Variants in CDH12 observed in about 807,000 individuals in gnomAD.
The protein encoded by CDH12 is cadherin-12.
CDH12 carries 41 observed loss-of-function variants against 74.1 expected under a neutral mutation model. That is an observed-to-expected ratio of 0.55 (90% confidence interval 0.43 to 0.72). The LOEUF (loss-of-function observed/expected upper bound fraction) is 0.72, where lower values mean the gene tolerates loss of function less well. Ranked by LOEUF, CDH12 falls within the 30% of genes least tolerant of loss-of-function variation. The pLI is 0.00. For synonymous variants in CDH12, 399 were observed against 355.0 expected (o/e 1.12, Z -1.39); for missense variants, 945 against 977.2 (o/e 0.97, Z 0.44).
At chr5:22,093,527 CATATT>C (rs1475796693) in intron 4 of CDH12, among the ~76,000 whole-genome samples, 1 of 152,078 alleles carries the variant, frequency 6.6e-6, no homozygotes, top group Non-Finnish European at 1.5e-5. Context: ...TAAAAGATTA[CATATT>C]ATATGATTGT....
At chr5:22,441,313 AC>A (rs1423291793) in intron 2 of CDH12, among the ~76,000 whole-genome samples, 1 of 152,062 alleles carries the variant, frequency 6.6e-6, no homozygotes. Flanking sequence ...TGGTTTTAAA[AC>A]CAATAGATGG....
chr5:21,878,805 AAAG>A (rs1244160692), intron 6 of CDH12, among the ~76,000 whole-genome samples: 2 of 23,570 alleles, frequency 8.5e-5, no homozygotes, highest in East Asian at 7.1e-3. Flanking sequence ...AAGAAAGAAG[AAAG>A]AAAGAAAGAA....
intron 3 of CDH12, among the ~76,000 whole-genome samples, chr5:22,289,049 T>C (rs1561285974): frequency 6.6e-6 from 1 of 152,000 alleles, no homozygotes; most frequent in South Asian, 2.1e-4. Context: ...ATAAATAAGC[T>C]AAGAGACTTG....
chr5:22,392,850 CTT>C (rs1335427253), intron 3 of CDH12, among the ~76,000 whole-genome samples: 1 of 152,074 alleles, frequency 6.6e-6, no homozygotes, highest in African/African-American at 2.4e-5. Flanking sequence ...TTGGGAAAAC[CTT>C]TCTCACACTG....
At chr5:22,330,744 C>CAAA (rs1212274101) in intron 3 of CDH12, among the ~76,000 whole-genome samples, 10 of 52,300 alleles carry the variant, frequency 1.9e-4, no homozygotes, top group African/African-American at 2.8e-4. Flanking sequence ...AGCGAGACTC[C>CAAA]AAAAAAAAAA....
intron 1 of CDH12, among the ~76,000 whole-genome samples, chr5:22,542,472 A>G (rs1014554132): frequency 6.6e-6 from 1 of 152,194 alleles, no homozygotes; most frequent in Non-Finnish European, 1.5e-5. Flanking sequence ...ACTGATTTAT[A>G]ATCACTAGGA....
chr5:22,647,446 C>A (rs193299397), intron 1 of CDH12, among the ~76,000 whole-genome samples: 1 of 151,700 alleles, frequency 6.6e-6, no homozygotes, highest in Admixed American at 6.6e-5. Flanking sequence ...AAATTTATTT[C>A]TCATGTTTCT....
At chr5:21,961,673 C>G (rs1027385650) in intron 6 of CDH12, among the ~76,000 whole-genome samples, 3 of 152,040 alleles carry the variant, frequency 2.0e-5, no homozygotes, top group African/African-American at 7.2e-5. Context: ...CACCAGAAAG[C>G]ACAACATATG....
intron 4 of CDH12, among the ~76,000 whole-genome samples, chr5:22,080,335 A>G (rs1294151845): frequency 6.6e-6 from 1 of 152,190 alleles, no homozygotes; most frequent in Non-Finnish European, 1.5e-5. Context: ...ATAGTAATTC[A>G]CCATACTTGA....
rs201503504 is a variant in CDH12 at position 21,854,749 on chromosome 5, G to A, written c.568C>T (p.Pro190Ser). 1 of 1,608,504 alleles carries A rather than the reference G, an allele frequency of 6.2e-7. No homozygotes were observed. Among genetic ancestry groups the A allele is most frequent in the Non-Finnish European group, 8.5e-7 (1 of 1,176,304 alleles). Residue 190 changes from proline to serine, a missense_variant, in exon 7 of 15, where the codon CCG becomes TCG. Transcript: ENST00000382254. ...LQVKATDADDPTYGNSARVVY... is the reference protein window; with the variant it reads ...LQVKATDADDSTYGNSARVVY... ...ACTCTGGCACTGTTTCCATAGGTCG[G>A]GTCATCTGCATCTGTGGCCTTGACC... is the stretch of plus-strand genomic sequence containing the variant.
intron 4 of CDH12, among the ~76,000 whole-genome samples, chr5:22,119,533 G>T (rs2150273074): frequency 6.6e-6 from 1 of 152,044 alleles, no homozygotes; most frequent in African/African-American, 2.4e-5. Context: ...CAGGTGATCT[G>T]CCCACCTTGG....
intron 4 of CDH12, among the ~76,000 whole-genome samples, chr5:22,101,040 A>G (rs1439959619): frequency 6.6e-6 from 1 of 152,116 alleles, no homozygotes; most frequent in African/African-American, 2.4e-5. Context: ...CATTGAAATC[A>G]CTATTTTTAT....
intron 2 of CDH12, among the ~76,000 whole-genome samples, chr5:22,426,093 A>G (rs1743924125): frequency 6.6e-6 from 1 of 151,570 alleles, no homozygotes; most frequent in Non-Finnish European, 1.5e-5. Flanking sequence ...AGGCTGACGC[A>G]GGAGAATTGC....
Position 22,051,811 on chromosome 5 carries a change from AAG to A in CDH12, c.231+26633_231+26634del, listed in dbSNP as rs200385975. 6.0e-3 allele frequency among the ~76,000 whole-genome samples: 913 copies of A among 152,184 alleles called. 2 individuals carry two copies. The highest frequency in any genetic ancestry group is 0.021 in the African/African-American group (877 of 41,492). ...AGGGGAGTGAAAAGATTGAGAAAAA[AAG>A]AAAAAGAGCTGGACAGCCCTTTCAG... On this transcript the variant is annotated intron_variant, in intron 5 of 14. Transcript: ENST00000382254.
At chr5:22,665,260 T>A (rs1419572946) in intron 1 of CDH12, among the ~76,000 whole-genome samples, 1 of 152,240 alleles carries the variant, frequency 6.6e-6, no homozygotes, top group Non-Finnish European at 1.5e-5. Context: ...TGCCTTTGTA[T>A]GTTCTCAATA....
intron 6 of CDH12, among the ~76,000 whole-genome samples, chr5:21,915,149 T>C (rs1415355505): frequency 6.6e-6 from 1 of 152,168 alleles, no homozygotes; most frequent in East Asian, 1.9e-4. Flanking sequence ...AAAAGTAACA[T>C]AATTAGAATC....
At chr5:22,118,186 T>C (rs1745284513) in intron 4 of CDH12, among the ~76,000 whole-genome samples, 1 of 152,174 alleles carries the variant, frequency 6.6e-6, no homozygotes, top group Admixed American at 6.5e-5. Flanking sequence ...AAATGCGTGA[T>C]TTTTACTCAA....
chr5:21,766,809 G>T (rs1415830668), intron 11 of CDH12, among the ~76,000 whole-genome samples: 1 of 151,838 alleles, frequency 6.6e-6, no homozygotes, highest in East Asian at 1.9e-4. Context: ...AATATTCAAA[G>T]CCACATTACA....
chr5:22,205,268 G>C (rs1302675750), intron 4 of CDH12, among the ~76,000 whole-genome samples: 2 of 152,076 alleles, frequency 1.3e-5, no homozygotes, highest in Non-Finnish European at 2.9e-5. Flanking sequence ...CACTATCTTA[G>C]GTACTGAGTT....
Sources: gnomAD v4.1 joint callset for allele counts (sites outside exome capture counted in the v4.1 genomes callset) on GRCh38, gnomAD v4.1.1 for gene constraint, MANE v1.5 for transcripts, NCBI Gene and HGNC (gene_info 2026-07-23, HGNC 2026-07-21) for gene names.